PTPRR: variants seen among roughly 807,000 people sequenced by gnomAD.
The protein encoded by PTPRR is protein tyrosine phosphatase receptor type R.
A neutral mutation model predicts 77.2 loss-of-function variants in PTPRR; 38 were observed. That is an observed-to-expected ratio of 0.49 (90% CI 0.38 to 0.65). The LOEUF is 0.65. PTPRR is among the 30% of genes least tolerant of loss of function. PTPRR has a pLI of 0.00. For synonymous variants in PTPRR, 299 were observed against 283.1 expected (o/e 1.06, Z -0.57); for missense variants, 744 against 799.2 (o/e 0.93, Z 0.83).
chr12:70,797,633 T>C (rs1891539529), intron 2 of PTPRR, among the ~76,000 whole-genome samples: 1 of 152,212 alleles, frequency 6.6e-6, no homozygotes, highest in African/African-American at 2.4e-5. Flanking sequence ...GTCTCACCAA[T>C]GACCTCCAAA....
intron 2 of PTPRR, among the ~76,000 whole-genome samples, chr12:70,784,149 A>T (rs948241431): frequency 6.6e-6 from 1 of 152,086 alleles, no homozygotes; most frequent in African/African-American, 2.4e-5. Context: ...CGCAGCCCTG[A>T]CTTGGGCAGC....
intron 13 of PTPRR, among the ~76,000 whole-genome samples, chr12:70,652,374 A>C (rs1263897051): frequency 6.6e-6 from 1 of 152,212 alleles, no homozygotes; most frequent in Non-Finnish European, 1.5e-5. Context: ...TTTCATAACA[A>C]CTAGAAGAGT....
intron 2 of PTPRR, among the ~76,000 whole-genome samples, chr12:70,840,308 CT>C (rs1892375202): frequency 6.6e-6 from 1 of 152,142 alleles, no homozygotes; most frequent in African/African-American, 2.4e-5. Context: ...TCTGCTCACA[CT>C]GCATTATTCT....
chr12:70,883,993 T>TGGGTCTGTGGATATCTCCC (rs1361962055), intron 2 of PTPRR, among the ~76,000 whole-genome samples: 4 of 152,218 alleles, frequency 2.6e-5, no homozygotes, highest in Admixed American at 2.6e-4. Flanking sequence ...CAGCCATGCA[T>TGGGTCTGTGGATATCTCCC]GGGTCTGTGG....
At chr12:70,775,827 C>A (rs1891075677) in intron 2 of PTPRR, among the ~76,000 whole-genome samples, 1 of 151,986 alleles carries the variant, frequency 6.6e-6, no homozygotes. Flanking sequence ...CCATTCTTGG[C>A]CAAGGAGTTG....
chr12:70,903,334 T>C (rs1893570943), intron 1 of PTPRR, among the ~76,000 whole-genome samples: 1 of 151,922 alleles, frequency 6.6e-6, no homozygotes, highest in Middle Eastern at 3.4e-3. Flanking sequence ...CCTGTATATC[T>C]ATATAAAAAC....
At chr12:70,679,588 C>A (rs1260321408) in intron 10 of PTPRR, among the ~76,000 whole-genome samples, 1 of 152,032 alleles carries the variant, frequency 6.6e-6, no homozygotes, top group Non-Finnish European at 1.5e-5. Context: ...TAGGTGCATA[C>A]ATATTTACAA....
intron 2 of PTPRR, among the ~76,000 whole-genome samples, chr12:70,784,099 C>T (rs928306274): frequency 5.3e-5 from 8 of 152,190 alleles, no homozygotes; most frequent in Admixed American, 3.3e-4. Flanking sequence ...GCAGAGGGAG[C>T]AGGGTTCCTG....
chr12:70,869,989 C>T (rs1006051699), intron 2 of PTPRR, among the ~76,000 whole-genome samples: 1 of 152,190 alleles, frequency 6.6e-6, no homozygotes, highest in African/African-American at 2.4e-5. Context: ...TGGACAACCT[C>T]TTCTGGTCAG....
At chr12:70,910,101 A>G (rs1460894366) in intron 1 of PTPRR, among the ~76,000 whole-genome samples, 1 of 151,782 alleles carries the variant, frequency 6.6e-6, no homozygotes, top group Non-Finnish European at 1.5e-5. Context: ...TTCTTTTTAT[A>G]TTTTCTTTTC....
chr12:70,660,704 A>G (rs1442699961), intron 12 of PTPRR, among the ~76,000 whole-genome samples: 3 of 152,188 alleles, frequency 2.0e-5, no homozygotes, highest in Non-Finnish European at 2.9e-5. Context: ...TTTATTACGA[A>G]CTTGTATTTC....
chr12:70,866,662 A>G (rs897663320), intron 2 of PTPRR, among the ~76,000 whole-genome samples: 8 of 152,318 alleles, frequency 5.3e-5, no homozygotes, highest in East Asian at 1.9e-4. Flanking sequence ...AAAAGAGGGA[A>G]TCCTCCCTAA....
intron 8 of PTPRR, among the ~76,000 whole-genome samples, chr12:70,688,180 A>G (rs1418345676): frequency 6.6e-6 from 1 of 152,160 alleles, no homozygotes; most frequent in African/African-American, 2.4e-5. Context: ...GTGGGCAAAA[A>G]TTTCTTGGAT....
chr12:70,722,453 T>A (rs1239376863), intron 6 of PTPRR, among the ~76,000 whole-genome samples: 2 of 152,130 alleles, frequency 1.3e-5, no homozygotes, highest in East Asian at 3.9e-4. Context: ...CTGAAAAGAG[T>A]TCGCAAGGCT....
In PTPRR at chr12:70,837,430, C is replaced by T. The variant is rs533673484; in HGVS notation, c.357+55249G>A. Among the ~76,000 whole-genome samples, 197 of 151,958 alleles carry T rather than the reference C, an allele frequency of 1.3e-3. 1 individual carries two copies. The highest frequency in any genetic ancestry group is 2.1e-3 in the Non-Finnish European group (144 of 68,010). ...TGAGAATACAGTAATAACAAACAAACAATTTCTTCTACCACATTCTTACAA... is the reference window on the plus strand; with the variant it reads ...TGAGAATACAGTAATAACAAACAAATAATTTCTTCTACCACATTCTTACAA... On this transcript the variant is annotated intron_variant, in intron 2 of 13. Transcript: ENST00000283228.
At chr12:70,766,391 A>G (rs2136971761) in intron 2 of PTPRR, among the ~76,000 whole-genome samples, 1 of 152,358 alleles carries the variant, frequency 6.6e-6, no homozygotes, top group East Asian at 1.9e-4. Context: ...AGCTGATGCA[A>G]TCAACTGGAA....
chr12:70,905,603 C>T (rs1893609748), intron 1 of PTPRR, among the ~76,000 whole-genome samples: 1 of 151,914 alleles, frequency 6.6e-6, no homozygotes, highest in Non-Finnish European at 1.5e-5. Context: ...TTGGTAGCCT[C>T]TGAAGAGATC....
chr12:70,667,722 C>T (rs767022288), intron 10 of PTPRR, among the ~76,000 whole-genome samples: 10 of 152,124 alleles, frequency 6.6e-5, no homozygotes, highest in Middle Eastern at 3.4e-3. Context: ...AGTTGACCAG[C>T]GACAGCATTC....
chr12:70,824,680 T>C (rs1707922425), intron 2 of PTPRR, among the ~76,000 whole-genome samples: 1 of 152,182 alleles, frequency 6.6e-6, no homozygotes, highest in African/African-American at 2.4e-5. Flanking sequence ...CTGGTTCGTG[T>C]TGCTTTCCTT....
Sources: gnomAD v4.1 joint callset for allele counts (sites outside exome capture counted in the v4.1 genomes callset) on GRCh38, gnomAD v4.1.1 for gene constraint, MANE v1.5 for transcripts, NCBI Gene and HGNC (gene_info 2026-07-23, HGNC 2026-07-21) for gene names.